The following TIMD4 variants were observed in gnomAD, a reference collection of about 807,000 sequenced individuals.
TIMD4 encodes the protein T-cell immunoglobulin and mucin domain-containing protein 4.
A neutral mutation model predicts 41.2 loss-of-function variants in TIMD4; 31 were observed. That is an observed-to-expected ratio of 0.75 (90% confidence interval 0.57 to 1.01). The LOEUF is 1.01. Ranked by LOEUF, TIMD4 falls within the 50% of genes least tolerant of loss-of-function variation. The probability of loss-of-function intolerance (pLI) is 0.00; values close to 1 mark genes in which losing one functional copy is unlikely to be tolerated. For missense variants in TIMD4, 479 were observed against 472.5 expected (o/e 1.01, Z -0.13); for synonymous variants, 204 against 177.1 (o/e 1.15, Z -1.21).
chr5:156,956,375 T>A (rs1159820855), intron 1 of TIMD4, among the ~76,000 whole-genome samples: 5 of 152,244 alleles, frequency 3.3e-5, no homozygotes, highest in Non-Finnish European at 7.3e-5. Flanking sequence ...CATCAGCTAC[T>A]TGAGATGGAA....
intron 7 of TIMD4, among the ~76,000 whole-genome samples, chr5:156,921,434 C>T (rs1759235562): frequency 6.6e-6 from 1 of 151,366 alleles, no homozygotes; most frequent in Non-Finnish European, 1.5e-5. Context: ...CAACCTAGCC[C>T]ACATGGTGAA....
chr5:156,949,529 G>T lies in TIMD4; in HGVS notation c.760+122C>A, dbSNP rs1356178714. ...CCTTGAGGCCAATTTGCCACAGGGGGATTTTATGGCACAAAAGACCCAAAG... is the reference window on the plus strand; with the variant it reads ...CCTTGAGGCCAATTTGCCACAGGGGTATTTTATGGCACAAAAGACCCAAAG... On this transcript the variant is annotated intron_variant, in intron 4 of 8. Transcript: ENST00000274532. 7.5e-6 allele frequency: 6 copies of T among 802,704 alleles called. No individual in the cohort carries two copies. In the East Asian group the frequency reaches 1.2e-4, roughly 15 times the overall value. 49.7% of individuals were successfully genotyped at this position (802,704 alleles called of 1,614,324 possible). A position where few individuals can be genotyped will look rare whatever the true frequency, so the allele number is the denominator to read the frequency against.
chr5:156,935,516 A>C (rs1157297712), intron 5 of TIMD4: 1 of 152,236 alleles, frequency 6.6e-6, no homozygotes, highest in East Asian at 1.9e-4. Context: ...CTTAGTTCCA[A>C]GGGAAGAATT....
chr5:156,960,868 G>A (rs955297719), intron 1 of TIMD4, among the ~76,000 whole-genome samples: 9 of 152,234 alleles, frequency 5.9e-5, no homozygotes, highest in Non-Finnish European at 1.0e-4. Context: ...CAAGTTTACA[G>A]ATGCAGGAAC....
intron 7 of TIMD4, 33 bp downstream of exon 7, chr5:156,922,066 G>T (rs138576560): frequency 1.0e-5 from 16 of 1,567,926 alleles, no homozygotes; most frequent in African/African-American, 1.4e-5. Flanking sequence ...CCAGGGTTCT[G>T]AAGTGCTCCA....
chr5:156,920,701 A>G (rs7718799), intron 7 of TIMD4, among the ~76,000 whole-genome samples, 198 bp from the exon 8 acceptor site: 5,417 of 152,300 alleles, frequency 0.036, 241 homozygotes, highest in African/African-American at 0.11. Context: ...GTGCTCATCA[A>G]TTACCAAGTT....
In TIMD4 at chr5:156,948,785, A is replaced by G. The variant is rs190377982; in HGVS notation, c.761-286T>C. The stretch of plus-strand genomic sequence containing the variant: ...AATCACACAGCAGGAAAGAGGCAGG[A>G]TTTGTGTTTAGGCAAAGTGAAGCCG... On this transcript the variant is annotated intron_variant, in intron 4 of 8. Coordinates refer to ENST00000274532, the MANE Select transcript of TIMD4 (RefSeq NM_138379.3). Among the ~76,000 whole-genome samples, 672 of 152,328 alleles carry G rather than the reference A, an allele frequency of 4.4e-3. 3 individuals are homozygous for G. The highest frequency in any genetic ancestry group is 6.4e-3 in the Non-Finnish European group (432 of 68,022).
chr5:156,921,203 C>T (rs1581604918), intron 7 of TIMD4, among the ~76,000 whole-genome samples: 1 of 152,020 alleles, frequency 6.6e-6, no homozygotes, highest in South Asian at 2.1e-4. Flanking sequence ...GACCTTGTCC[C>T]CTGAAAAATG....
chr5:156,954,879 C>T (rs1485093199), intron 1 of TIMD4, 123 bp from the exon 2 acceptor site: 39 of 888,358 alleles, frequency 4.4e-5, no homozygotes, highest in Non-Finnish European at 5.7e-5. Flanking sequence ...TGTTTCTTTT[C>T]TTTCCTTTTT....
chr5:156,940,359 G>A (rs1759620260), intron 5 of TIMD4, among the ~76,000 whole-genome samples: 1 of 152,198 alleles, frequency 6.6e-6, no homozygotes, highest in Non-Finnish European at 1.5e-5. Flanking sequence ...TGAGATTGCA[G>A]CCTCTGCCCG....
chr5:156,933,606 C>G (rs193211237), intron 5 of TIMD4, among the ~76,000 whole-genome samples: 2 of 150,450 alleles, frequency 1.3e-5, no homozygotes, highest in Non-Finnish European at 1.5e-5. Flanking sequence ...CTCACTCTGT[C>G]TCCCAGACTG....
chr5:156,942,376 A>G (rs751941633), intron 5 of TIMD4, among the ~76,000 whole-genome samples: 12 of 152,076 alleles, frequency 7.9e-5, no homozygotes, highest in Non-Finnish European at 1.2e-4. Context: ...AACTCACTAC[A>G]AGCCTTCTCT....
chr5:156,949,566 C>T, intron 4 of TIMD4, 85 bp downstream of exon 4: 3 of 1,184,804 alleles, frequency 2.5e-6, no homozygotes, highest in Middle Eastern at 3.9e-4. Flanking sequence ...GGTTGTCAGT[C>T]ATCTGATTCA....
chr5:156,944,910 A>G (rs952742003), intron 5 of TIMD4, among the ~76,000 whole-genome samples: 1 of 152,172 alleles, frequency 6.6e-6, no homozygotes, highest in African/African-American at 2.4e-5. Context: ...GCAGCCATAA[A>G]GTGGAGGCAA....
intron 7 of TIMD4, 51 bp downstream of exon 7, chr5:156,922,048 T>C: frequency 5.6e-6 from 8 of 1,427,926 alleles, no homozygotes; most frequent in Non-Finnish European, 7.8e-6. Context: ...CAGATCCTCC[T>C]GCAGTCGCCA....
intron 5 of TIMD4, among the ~76,000 whole-genome samples, chr5:156,947,928 A>G (rs1405334865): frequency 2.0e-5 from 3 of 152,246 alleles, no homozygotes. Flanking sequence ...TTTAAAATAA[A>G]AAAACAAAAT....
Position 156,963,207 on chromosome 5 carries a change from T to G in TIMD4, c.-9A>C. 1 of 1,614,166 alleles carries G rather than the reference T, an allele frequency of 6.2e-7. No individual in the cohort carries two copies. Among genetic ancestry groups the G allele is most frequent in the South Asian group, 1.1e-5 (1 of 91,084 alleles). ...AGAGGTTCTTTGGACATTTTGACGG[T>G]TGACCGGACCCAGGAGTCTGTCTAT... On this transcript the variant is annotated 5_prime_UTR_variant, in exon 1 of 9. Transcript: ENST00000274532.
In TIMD4 at chr5:156,937,586, A is replaced by AC. The variant is rs139469769; in HGVS notation, c.844+10829dup. On this transcript the variant is annotated intron_variant, in intron 5 of 8. Coordinates refer to ENST00000274532, the MANE Select transcript of TIMD4 (RefSeq NM_138379.3). Reference sequence around the variant, plus strand: ...GGGGCTGGCTTTGTGTTCTATTTCAACAGCTCACCCCTTATTTCTTTTTCA... The same window carrying AC: ...GGGGCTGGCTTTGTGTTCTATTTCAACCAGCTCACCCCTTATTTCTTTTTCA... Among the ~76,000 whole-genome samples, 904 of 152,214 alleles carry AC rather than the reference A, an allele frequency of 5.9e-3. 11 individuals are homozygous for AC. The highest frequency in any genetic ancestry group is 0.02 in the African/African-American group (817 of 41,530).
intron 5 of TIMD4, among the ~76,000 whole-genome samples, chr5:156,935,293 T>C (rs923823712): frequency 6.6e-6 from 1 of 152,138 alleles, no homozygotes; most frequent in African/African-American, 2.4e-5. Context: ...TTTGCTGACC[T>C]CTACTCAGAA....
Sources: gnomAD v4.1 joint callset for allele counts (sites outside exome capture counted in the v4.1 genomes callset) on GRCh38, gnomAD v4.1.1 for gene constraint, MANE v1.5 for transcripts, NCBI Gene and HGNC (gene_info 2026-07-23, HGNC 2026-07-21) for gene names.